Variants in DOK6 observed in about 807,000 individuals in gnomAD.
The protein encoded by DOK6 is docking protein 6.
Under a neutral mutation model 44.0 loss-of-function variants are expected in DOK6, and 22 were observed. That is an observed-to-expected ratio of 0.50 (90% CI 0.36 to 0.71). The LOEUF (loss-of-function observed/expected upper bound fraction) is 0.71, where lower values mean the gene tolerates loss of function less well. Among genes scored for constraint, DOK6 ranks in the 30% least tolerant of loss-of-function variants. The probability of loss-of-function intolerance (pLI) is 0.00; values close to 1 mark genes in which losing one functional copy is unlikely to be tolerated. For synonymous variants in DOK6, 166 were observed against 145.5 expected (o/e 1.14, Z -1.01); for missense variants, 340 against 416.4 (o/e 0.82, Z 1.60).
intron 1 of DOK6, among the ~76,000 whole-genome samples, chr18:69,431,001 A>G (rs1306517782): frequency 2.6e-5 from 4 of 152,018 alleles, no homozygotes; most frequent in Non-Finnish European, 5.9e-5. Context: ...TCCCATGTCA[A>G]TTTTCCTAGC....
At chr18:69,646,705 C>A (rs373860288) in intron 3 of DOK6, among the ~76,000 whole-genome samples, 1 of 152,100 alleles carries the variant, frequency 6.6e-6, no homozygotes, top group Non-Finnish European at 1.5e-5. Flanking sequence ...TACCACCAAA[C>A]GTCTAAAGGA....
At chr18:69,507,532 A>G (rs1418798605) in intron 1 of DOK6, among the ~76,000 whole-genome samples, 1 of 152,054 alleles carries the variant, frequency 6.6e-6, no homozygotes, top group Non-Finnish European at 1.5e-5. Flanking sequence ...AAGACTATAT[A>G]TACCTTAATT....
intron 1 of DOK6, among the ~76,000 whole-genome samples, chr18:69,423,637 C>G (rs1283350554): frequency 1.3e-5 from 2 of 152,166 alleles, no homozygotes; most frequent in African/African-American, 2.4e-5. Flanking sequence ...TGTGTATGTT[C>G]ACTTTACTAG....
intron 3 of DOK6, among the ~76,000 whole-genome samples, chr18:69,668,847 T>C (rs1485485609): frequency 2.0e-5 from 3 of 152,218 alleles, no homozygotes; most frequent in African/African-American, 7.2e-5. Flanking sequence ...ACACAGCATC[T>C]GACTACTCAA....
chr18:69,476,373 G>A (rs1980262522), intron 1 of DOK6, among the ~76,000 whole-genome samples: 1 of 151,552 alleles, frequency 6.6e-6, no homozygotes, highest in Non-Finnish European at 1.5e-5. Flanking sequence ...GTCTAATATT[G>A]AATGTAAGTA....
rs1359154661 is a variant in DOK6, at chr18:69,837,524, G to A, written c.857-3720G>A. 2.7e-5 allele frequency among the ~76,000 whole-genome samples: 4 copies of A among 150,780 alleles called. No homozygotes were observed. In the East Asian group the frequency reaches 7.8e-4, roughly 30 times the overall value. On this transcript the variant is annotated intron_variant, in intron 7 of 7. Transcript: ENST00000382713. ...GAGGACAAATGTGAACCAATTACCA[G>A]TGAGAGACAGCATGTTGAGATGGTG...
chr18:69,639,692 T>G (rs987347038), intron 3 of DOK6, among the ~76,000 whole-genome samples: 1 of 151,772 alleles, frequency 6.6e-6, no homozygotes, highest in Non-Finnish European at 1.5e-5. Context: ...TAGAGGTGAC[T>G]GATAAATACA....
At chr18:69,442,094 T>C (rs1387972483) in intron 1 of DOK6, among the ~76,000 whole-genome samples, 1 of 152,192 alleles carries the variant, frequency 6.6e-6, no homozygotes, top group Non-Finnish European at 1.5e-5. Flanking sequence ...AATCAGTCTG[T>C]CTTTTACCTT....
chr18:69,563,542 A>G (rs907672327), intron 1 of DOK6, among the ~76,000 whole-genome samples: 1 of 151,492 alleles, frequency 6.6e-6, no homozygotes, highest in African/African-American at 2.4e-5. Flanking sequence ...TCAGCAAACT[A>G]TCACAAGGAC....
intron 1 of DOK6, among the ~76,000 whole-genome samples, chr18:69,509,510 C>A (rs371107005): frequency 1.4e-4 from 22 of 151,806 alleles, no homozygotes; most frequent in Admixed American, 1.3e-3. Flanking sequence ...TGGTGGCGGG[C>A]GCCTTTAGTC....
intron 3 of DOK6, among the ~76,000 whole-genome samples, chr18:69,671,843 A>G (rs139281626): frequency 6.6e-6 from 1 of 152,314 alleles, no homozygotes; most frequent in Non-Finnish European, 1.5e-5. Flanking sequence ...TTATGTATTC[A>G]TTTCCATATC....
rs1258987587 is a variant in DOK6, at chr18:69,667,931, G to C, written c.290-9803G>C. On this transcript the variant is annotated intron_variant, in intron 3 of 7. Coordinates refer to ENST00000382713, the MANE Select transcript of DOK6 (RefSeq NM_152721.6). ...GAATACCAAGCTCATATAGTGAACT[G>C]CCTATTCATCCATCCACTTCAATAA... Among the ~76,000 whole-genome samples the C allele has an allele frequency of 2.6e-5, 4 of 152,254 alleles. No individual in the cohort carries two copies. The East Asian group carries it at 7.7e-4, about 29-fold the overall frequency.
intron 7 of DOK6, among the ~76,000 whole-genome samples, chr18:69,821,800 A>T (rs370078660): frequency 0.034 from 1,271 of 37,694 alleles, 9 homozygotes; most frequent in Admixed American, 0.05. Flanking sequence ...TTTTTTTTTT[A>T]AAAAAAATCC....
chr18:69,562,600 T>C (rs1214437656), intron 1 of DOK6, among the ~76,000 whole-genome samples: 1 of 152,150 alleles, frequency 6.6e-6, no homozygotes, highest in Non-Finnish European at 1.5e-5. Flanking sequence ...TAGCCATATG[T>C]AGAAAGCTGA....
intron 3 of DOK6, among the ~76,000 whole-genome samples, chr18:69,670,837 T>C (rs1163158945): frequency 6.6e-6 from 1 of 152,126 alleles, no homozygotes; most frequent in East Asian, 1.9e-4. Context: ...TGGCATCTAT[T>C]AAGAATTCTC....
At chr18:69,601,711 A>G (rs1223211948) in intron 3 of DOK6, among the ~76,000 whole-genome samples, 1 of 152,224 alleles carries the variant, frequency 6.6e-6, no homozygotes, top group Non-Finnish European at 1.5e-5. Flanking sequence ...ATTTTAAAAT[A>G]AAACTCCCAA....
intron 6 of DOK6, among the ~76,000 whole-genome samples, chr18:69,742,312 G>C (rs1978828441): frequency 6.6e-6 from 1 of 151,794 alleles, no homozygotes; most frequent in Non-Finnish European, 1.5e-5. Flanking sequence ...TACTCAGGAG[G>C]CTGAGGCAGG....
intron 4 of DOK6, among the ~76,000 whole-genome samples, chr18:69,687,638 C>T (rs1273015385): frequency 2.0e-5 from 3 of 152,170 alleles, no homozygotes; most frequent in South Asian, 4.1e-4. Context: ...GCCACAATCA[C>T]GCCACTGCAC....
intron 3 of DOK6, among the ~76,000 whole-genome samples, chr18:69,667,692 C>A (rs1985695388): frequency 6.6e-6 from 1 of 152,164 alleles, no homozygotes; most frequent in Non-Finnish European, 1.5e-5. Flanking sequence ...TTTCTGGTTT[C>A]TTCTTCCTTA....
Sources: allele counts gnomAD v4.1 joint callset (sites outside exome capture counted in the v4.1 genomes callset), GRCh38; gene constraint gnomAD v4.1.1; transcripts MANE v1.5; gene names NCBI Gene and HGNC (gene_info 2026-07-23, HGNC 2026-07-21).